PTPRO: variants seen among roughly 807,000 people sequenced by gnomAD.
PTPRO encodes protein tyrosine phosphatase receptor type O.
PTPRO carries 62 observed loss-of-function variants against 145.2 expected under a neutral mutation model. That is an observed-to-expected ratio of 0.43 (90% confidence interval 0.35 to 0.53). PTPRO has a LOEUF of 0.53. PTPRO is among the 20% of genes least tolerant of loss of function. The pLI is 0.01. For missense variants in PTPRO, 1,345 were observed against 1,482.7 expected, an observed-to-expected ratio of 0.91 and a Z score of 1.53; for synonymous variants, 565 against 514.7, an observed-to-expected ratio of 1.10 and a Z score of -1.32.
At chr12:15,446,863 G>T (rs1940915522) in intron 1 of PTPRO, among the ~76,000 whole-genome samples, 1 of 152,206 alleles carries the variant, frequency 6.6e-6, no homozygotes, top group African/African-American at 2.4e-5. Flanking sequence ...TTGAGGAAAA[G>T]TCTATTTTCA....
chr12:15,583,927 G>A (rs1213147396), intron 23 of PTPRO, among the ~76,000 whole-genome samples: 1 of 152,116 alleles, frequency 6.6e-6, no homozygotes, highest in African/African-American at 2.4e-5. Flanking sequence ...ACTCTAACAG[G>A]CTGTGTTTCG....
At chr12:15,354,239 A>C (rs1451067163) in intron 1 of PTPRO, among the ~76,000 whole-genome samples, 2 of 152,226 alleles carry the variant, frequency 1.3e-5, no homozygotes, top group African/African-American at 2.4e-5. Context: ...ATCCATTTGT[A>C]AACTGATTTC....
chr12:15,507,410 A>AGAAT (rs1942343220), intron 6 of PTPRO, among the ~76,000 whole-genome samples: 1 of 122,916 alleles, frequency 8.1e-6, no homozygotes, highest in African/African-American at 2.8e-5. Context: ...ACTCCATCTC[A>AGAAT]AAATAAATAA....
intron 10 of PTPRO, among the ~76,000 whole-genome samples, chr12:15,524,543 C>T (rs1828164102): frequency 6.6e-6 from 1 of 152,100 alleles, no homozygotes; most frequent in African/African-American, 2.4e-5. Flanking sequence ...GTAATGGTGA[C>T]ATTTATCCAA....
At chr12:15,587,695 C>T (rs1166773930) in intron 24 of PTPRO, among the ~76,000 whole-genome samples, 1 of 152,236 alleles carries the variant, frequency 6.6e-6, no homozygotes, top group Non-Finnish European at 1.5e-5. Flanking sequence ...GTTCTTCCTA[C>T]TGTATGAACA....
At chr12:15,344,871 G>A (rs1212219697) in intron 1 of PTPRO, among the ~76,000 whole-genome samples, 1 of 152,088 alleles carries the variant, frequency 6.6e-6, no homozygotes, top group Non-Finnish European at 1.5e-5. Flanking sequence ...CATGCCTTAC[G>A]AACCAGTTCA....
At chr12:15,585,087 A>G (rs1377600833) in intron 23 of PTPRO, among the ~76,000 whole-genome samples, 1 of 152,160 alleles carries the variant, frequency 6.6e-6, no homozygotes, top group Non-Finnish European at 1.5e-5. Context: ...CTGCGGAGAA[A>G]CTAACTACAA....
At chr12:15,521,801 A>C (rs184046984) in intron 10 of PTPRO, among the ~76,000 whole-genome samples, 2 of 152,192 alleles carry the variant, frequency 1.3e-5, no homozygotes, top group Non-Finnish European at 2.9e-5. Context: ...TATTAATAGG[A>C]TTTGGCTTCC....
chr12:15,411,851 T>C (rs1440531704), intron 1 of PTPRO, among the ~76,000 whole-genome samples: 1 of 152,206 alleles, frequency 6.6e-6, no homozygotes, highest in East Asian at 1.9e-4. Context: ...TGACTTAGCC[T>C]AGCCCTATCA....
chr12:15,509,300 T>G (rs1033999065), intron 7 of PTPRO, among the ~76,000 whole-genome samples: 2 of 152,102 alleles, frequency 1.3e-5, no homozygotes, highest in Non-Finnish European at 2.9e-5. Flanking sequence ...GAGGGTTTTT[T>G]GTTTGTTTGT....
intron 9 of PTPRO, among the ~76,000 whole-genome samples, chr12:15,517,982 CA>C (rs1335258940): frequency 6.6e-6 from 1 of 150,642 alleles, no homozygotes; most frequent in East Asian, 2.0e-4. Flanking sequence ...GGCAGTACCC[CA>C]GTAGGGACTC....
chr12:15,412,264 T>C (rs1939821714), intron 1 of PTPRO, among the ~76,000 whole-genome samples: 1 of 152,258 alleles, frequency 6.6e-6, no homozygotes, highest in Non-Finnish European at 1.5e-5. Flanking sequence ...CAATACTTTG[T>C]AAGTCCTTAA....
intron 1 of PTPRO, among the ~76,000 whole-genome samples, chr12:15,342,562 G>A (rs1361026447): frequency 2.0e-5 from 3 of 152,158 alleles, no homozygotes; most frequent in Non-Finnish European, 4.4e-5. Context: ...CAGTGCAGTT[G>A]GCTCAACCAG....
intron 1 of PTPRO, among the ~76,000 whole-genome samples, chr12:15,404,662 T>C (rs1385704746): frequency 1.3e-5 from 2 of 152,212 alleles, no homozygotes; most frequent in Non-Finnish European, 2.9e-5. Context: ...CAGTGAATAA[T>C]CTGAGACTAA....
intron 1 of PTPRO, among the ~76,000 whole-genome samples, chr12:15,460,187 AC>A (rs1234857923): frequency 6.6e-6 from 1 of 152,214 alleles, no homozygotes; most frequent in African/African-American, 2.4e-5. Flanking sequence ...TGCTGGTGGA[AC>A]TATTTATGCC....
At chr12:15,516,670 T>C in intron 8 of PTPRO, 93 bp from the exon 9 acceptor site, 1 of 1,118,320 alleles carries the variant, frequency 8.9e-7, no homozygotes, top group East Asian at 2.4e-5. Flanking sequence ...TATCAGAGAG[T>C]GAAAACTCGG....
chr12:15,428,427 G>A (rs993893), intron 1 of PTPRO, among the ~76,000 whole-genome samples: 68,443 of 151,892 alleles, frequency 0.45, 16,718 homozygotes, highest in South Asian at 0.61. Flanking sequence ...ATTAAAATTA[G>A]GAAAGACTAG....
intron 1 of PTPRO, among the ~76,000 whole-genome samples, chr12:15,409,216 C>T (rs1425932250): frequency 6.6e-6 from 1 of 152,150 alleles, no homozygotes; most frequent in Non-Finnish European, 1.5e-5. Flanking sequence ...AGCTGTCTCT[C>T]ACTGTGCCAA....
intron 8 of PTPRO, among the ~76,000 whole-genome samples, chr12:15,515,976 G>GT (rs779273373): frequency 0.018 from 2,331 of 126,090 alleles, 39 homozygotes; most frequent in African/African-American, 0.031. Flanking sequence ...TGTTTGTCTG[G>GT]TTTTTTTTTT....
Sources: allele counts gnomAD v4.1 joint callset (sites outside exome capture counted in the v4.1 genomes callset), GRCh38; gene constraint gnomAD v4.1.1; transcripts MANE v1.5; gene names NCBI Gene and HGNC (gene_info 2026-07-23, HGNC 2026-07-21).